Variants in SLC4A4 observed in about 807,000 individuals in gnomAD.
SLC4A4 encodes solute carrier family 4 member 4.
A neutral mutation model predicts 111.5 loss-of-function variants in SLC4A4; 27 were observed. That is an observed-to-expected ratio of 0.24 (90% CI 0.18 to 0.33). The LOEUF (loss-of-function observed/expected upper bound fraction) is 0.33. Ranked by LOEUF, SLC4A4 falls within the 10% of genes least tolerant of loss-of-function variation. The pLI, the probability that SLC4A4 is intolerant of heterozygous loss-of-function variation, is 1.00. For missense variants in SLC4A4, 909 were observed against 1,315.5 expected (o/e 0.69, Z 4.78); for synonymous variants, 443 against 463.4 (o/e 0.96, Z 0.57).
At chr4:71,435,129 G>A (rs1344211351) in intron 7 of SLC4A4, among the ~76,000 whole-genome samples, 2 of 152,104 alleles carry the variant, frequency 1.3e-5, no homozygotes, top group South Asian at 2.1e-4. Flanking sequence ...GAACAAAGCT[G>A]GAGGCATCAC....
At chr4:71,144,233 G>A (rs991998117) in intron 2 of SLC4A4, among the ~76,000 whole-genome samples, 2 of 152,124 alleles carry the variant, frequency 1.3e-5, no homozygotes, top group African/African-American at 2.4e-5. Context: ...TTTTTGTCAT[G>A]TTTGTCAAAG....
intron 2 of SLC4A4, among the ~76,000 whole-genome samples, chr4:71,117,038 G>A (rs977306444): frequency 7.2e-5 from 11 of 151,888 alleles, no homozygotes; most frequent in African/African-American, 1.2e-4. Flanking sequence ...GTACAGTGGC[G>A]TGACCATGGC....
intron 1 of SLC4A4, among the ~76,000 whole-genome samples, chr4:71,214,950 T>A (rs927774884): frequency 1.3e-5 from 2 of 152,248 alleles, no homozygotes; most frequent in African/African-American, 4.8e-5. Flanking sequence ...CAACTTGGGT[T>A]ATGATTTTGC....
chr4:71,175,222 A>T (rs894706723), intron 2 of SLC4A4, among the ~76,000 whole-genome samples: 5 of 152,248 alleles, frequency 3.3e-5, no homozygotes, highest in Non-Finnish European at 7.3e-5. Flanking sequence ...TGGAGCCAAG[A>T]TGGCTGAATA....
chr4:71,349,204 A>G (rs935797312), intron 4 of SLC4A4, among the ~76,000 whole-genome samples: 1 of 152,208 alleles, frequency 6.6e-6, no homozygotes, highest in Admixed American at 6.5e-5. Flanking sequence ...TTCCATCGCT[A>G]AGGTTAATAG....
At chr4:71,516,678 T>C (rs1732429137) in intron 16 of SLC4A4, among the ~76,000 whole-genome samples, 1 of 152,208 alleles carries the variant, frequency 6.6e-6, no homozygotes, top group African/African-American at 2.4e-5. Context: ...TGAAGTTCTC[T>C]TAATTACCCT....
At chr4:71,438,625 A>G (rs1724385316) in intron 7 of SLC4A4, among the ~76,000 whole-genome samples, 1 of 152,246 alleles carries the variant, frequency 6.6e-6, no homozygotes, top group Admixed American at 6.5e-5. Context: ...TAAGATAGTC[A>G]TGGATAAATG....
At chr4:71,067,792 A>C (rs1250682270) in intron 1 of SLC4A4, among the ~76,000 whole-genome samples, 1 of 151,716 alleles carries the variant, frequency 6.6e-6, no homozygotes, top group African/African-American at 2.4e-5. Flanking sequence ...TTTGCTGCCC[A>C]GTCTAGAGTG....
chr4:71,465,375 T>C (rs1443675186), intron 12 of SLC4A4, among the ~76,000 whole-genome samples: 1 of 151,794 alleles, frequency 6.6e-6, no homozygotes, highest in Non-Finnish European at 1.5e-5. Flanking sequence ...AATAAAGGGT[T>C]TCTGTCATCT....
At chr4:71,121,686 C>T (rs1743433336) in intron 2 of SLC4A4, among the ~76,000 whole-genome samples, 1 of 151,674 alleles carries the variant, frequency 6.6e-6, no homozygotes, top group African/African-American at 2.4e-5. Context: ...CCAATCAGCT[C>T]TCTGTAAAAT....
intron 23 of SLC4A4, among the ~76,000 whole-genome samples, chr4:71,562,593 C>T (rs567724605): frequency 1.0e-3 from 155 of 149,076 alleles, no homozygotes; most frequent in African/African-American, 3.2e-3. Context: ...TTTTTTCTTT[C>T]CATTTGCTTG....
intron 1 of SLC4A4, among the ~76,000 whole-genome samples, chr4:71,205,203 T>C (rs909959053): frequency 6.6e-6 from 1 of 152,172 alleles, no homozygotes; most frequent in African/African-American, 2.4e-5. Flanking sequence ...AGGCTCCCCA[T>C]CCCTCAGCTT....
chr4:71,496,505 AC>A (rs1730423059), intron 15 of SLC4A4, among the ~76,000 whole-genome samples: 1 of 151,728 alleles, frequency 6.6e-6, no homozygotes, highest in Non-Finnish European at 1.5e-5. Context: ...ATAGTTTTAG[AC>A]CCCGGTTAGT....
At chr4:71,498,938 T>C (rs771210007) in intron 16 of SLC4A4, among the ~76,000 whole-genome samples, 2 of 152,200 alleles carry the variant, frequency 1.3e-5, no homozygotes, top group African/African-American at 2.4e-5. Flanking sequence ...CTGTGTTGTC[T>C]AAGAATTGGC....
chr4:71,473,900 AC>A (rs1728109087), intron 14 of SLC4A4, among the ~76,000 whole-genome samples: 1 of 151,890 alleles, frequency 6.6e-6, no homozygotes, highest in East Asian at 1.9e-4. Flanking sequence ...TTTGAAATTA[AC>A]TCAAATTGCA....
At chr4:71,310,559 C>A (rs1036615542) in intron 3 of SLC4A4, among the ~76,000 whole-genome samples, 7 of 152,176 alleles carry the variant, frequency 4.6e-5, no homozygotes, top group Non-Finnish European at 1.0e-4. Context: ...AAAGAATTTT[C>A]AACCCAGAAT....
In SLC4A4 at chr4:71,379,775, C is replaced by T. The variant is rs571532320; in HGVS notation, c.731-17802C>T. Among the ~76,000 whole-genome samples, 28 of 152,074 alleles carry T rather than the reference C, an allele frequency of 1.8e-4. No individual in the cohort carries two copies. The South Asian group carries it at 2.9e-3, about 16-fold the overall frequency. On this transcript the variant is annotated intron_variant, in intron 6 of 25. Transcript: ENST00000264485. Reference sequence around the variant, plus strand: ...TGGACAAAACAGAGTTTGGAGGGAACGATGACGAATTTCTCAAATTCATCT... The same window carrying T: ...TGGACAAAACAGAGTTTGGAGGGAATGATGACGAATTTCTCAAATTCATCT...
intron 1 of SLC4A4, among the ~76,000 whole-genome samples, chr4:71,092,021 G>C (rs990633228): frequency 2.2e-4 from 34 of 152,166 alleles, no homozygotes; most frequent in Non-Finnish European, 4.4e-5. Context: ...CTTCAAGGGA[G>C]TTTTATCCTT....
chr4:71,252,768 A>G (rs1226065372), intron 2 of SLC4A4, among the ~76,000 whole-genome samples: 1 of 152,190 alleles, frequency 6.6e-6, no homozygotes, highest in African/African-American at 2.4e-5. Context: ...GTGACTGCAA[A>G]TGGATATGAG....
Sources: allele counts gnomAD v4.1 joint callset (sites outside exome capture counted in the v4.1 genomes callset), GRCh38; gene constraint gnomAD v4.1.1; transcripts MANE v1.5; gene names NCBI Gene and HGNC (gene_info 2026-07-23, HGNC 2026-07-21).